The following SMG5 variants were observed in gnomAD, a reference collection of about 807,000 sequenced individuals.
The protein encoded by SMG5 is SMG5 nonsense mediated mRNA decay factor.
Under a neutral mutation model 122.9 loss-of-function variants are expected in SMG5, and 53 were observed. That is an observed-to-expected ratio of 0.43 (90% CI 0.35 to 0.54). SMG5 has a LOEUF of 0.54. Among genes scored for constraint, SMG5 ranks in the 20% least tolerant of loss-of-function variants. SMG5 has a pLI of 0.01. For missense variants in SMG5, 1,153 were observed against 1,285.6 expected (o/e 0.90, Z 1.58); for synonymous variants, 477 against 490.2 (o/e 0.97, Z 0.35).
Position 156,282,729 on chromosome 1 carries a change from C to G in SMG5, c.-49G>C. ...CCCGGTCACAGGCCCCTGCCACCCA[C>G]CACTACCGCCAACACTGCCGTCTCC... On this transcript the variant is annotated 5_prime_UTR_variant, in exon 1 of 22. Transcript: ENST00000361813. 6.5e-7 allele frequency: 1 copy of G among 1,543,798 alleles called. No individual in the cohort carries two copies. Among genetic ancestry groups the G allele is most frequent in the Non-Finnish European group, 8.7e-7 (1 of 1,147,388 alleles).
chr1:156,258,242 C>A (rs1661665843), intron 16 of SMG5, among the ~76,000 whole-genome samples: 4 of 152,220 alleles, frequency 2.6e-5, no homozygotes, highest in Admixed American at 1.3e-4. Context: ...CTTTATCCCT[C>A]TTGAATGAAA....
At chr1:156,265,036 T>TACACACACACACACAC (rs35457785) in intron 12 of SMG5, among the ~76,000 whole-genome samples, 42 of 122,824 alleles carry the variant, frequency 3.4e-4, no homozygotes, top group African/African-American at 9.7e-4. Context: ...AAAAAAAAAA[T>TACACACACACACACAC]ACACACACAC....
At chr1:156,257,628 T>C (rs1427414521) in intron 16 of SMG5, among the ~76,000 whole-genome samples, 1 of 152,194 alleles carries the variant, frequency 6.6e-6, no homozygotes, top group Non-Finnish European at 1.5e-5. Context: ...TGTCTTCCCC[T>C]ATGGACTAGC....
In SMG5 at chr1:156,249,768, G is replaced by T. The variant is rs1661236553; in HGVS notation, c.*819C>A. The T allele has an allele frequency of 4.2e-6, 2 of 470,900 alleles. No homozygotes were observed. Among genetic ancestry groups the T allele is most frequent in the South Asian group, 3.1e-5 (2 of 64,572 alleles). 29.2% of individuals were successfully genotyped at this position (470,900 alleles called of 1,614,324 possible). On this transcript the variant is annotated 3_prime_UTR_variant, in exon 22 of 22. Transcript: ENST00000361813. ...CTGCACCCCCTTTCTTCTCTTCCTG[G>T]CATCCCATTCTGTCCCAGCACAGCA...
intron 5 of SMG5, among the ~76,000 whole-genome samples, 195 bp downstream of exon 5, chr1:156,274,402 T>G (rs996243335): frequency 6.6e-6 from 1 of 152,218 alleles, no homozygotes; most frequent in African/African-American, 2.4e-5. Flanking sequence ...TTTTCCTGTA[T>G]TCACTGATCC....
intron 7 of SMG5, among the ~76,000 whole-genome samples, chr1:156,271,910 T>C (rs2246476): frequency 0.26 from 40,106 of 151,906 alleles, 5,584 homozygotes; most frequent in African/African-American, 0.34. Flanking sequence ...TTGTTTTTTA[T>C]TCTAACAGCT....
At position 156,265,869 on chromosome 1, in the gene SMG5, G is replaced by A. The variant is rs918925888; in HGVS notation, c.1767C>T (p.Asn589=). ...GGTTGGTGGTGGGCTGGAGGAGCAGGTTGCTAAAGGTGGGGGCCAGTCGGA... is the reference window on the plus strand; with the variant it reads ...GGTTGGTGGTGGGCTGGAGGAGCAGATTGCTAAAGGTGGGGGCCAGTCGGA... ...RCFRLAPTFS[N]LLLQPTTNPH... The change falls in exon 12 of 22, where the codon AAC becomes AAT. Residue 589 remains asparagine, a synonymous_variant. Coordinates refer to ENST00000361813, the MANE Select transcript of SMG5 (RefSeq NM_015327.3). 3 of 1,614,206 alleles carry A rather than the reference G, an allele frequency of 1.9e-6. No homozygotes were observed. Among genetic ancestry groups the A allele is most frequent in the South Asian group, 1.1e-5 (1 of 91,086 alleles).
In SMG5 at chr1:156,249,703, C is replaced by T. The variant is rs1384170101; in HGVS notation, c.*884G>A. The T allele has an allele frequency of 2.1e-6, 1 of 467,564 alleles. No homozygotes were observed. Among genetic ancestry groups the T allele is most frequent in the African/African-American group, 2.0e-5 (1 of 50,004 alleles). The allele number at this position is 467,564 out of a possible 1,614,324, so 29.0% of individuals were successfully genotyped here. A position where few individuals can be genotyped will look rare whatever the true frequency, so the allele number is the denominator to read the frequency against. ...CCACTGAATGCCGGCCCCTTGTCTTCAGCCCTCCCTTAGATAGGAAGGGGG... is the reference window on the plus strand; with the variant it reads ...CCACTGAATGCCGGCCCCTTGTCTTTAGCCCTCCCTTAGATAGGAAGGGGG... On this transcript the variant is annotated 3_prime_UTR_variant, in exon 22 of 22. Transcript: ENST00000361813.
the SMG5 span, chr1:156,291,514 C>G: frequency 1.2e-6 from 2 of 1,610,270 alleles, no homozygotes; most frequent in South Asian, 1.1e-5. Context: ...AGCCGGAGCG[C>G]ATGCTCACTG....
At position 156,250,242 on chromosome 1, in the gene SMG5, C is replaced by T; in HGVS notation, c.*345G>A. On this transcript the variant is annotated 3_prime_UTR_variant, in exon 22 of 22. Transcript: ENST00000361813. ...AGAAGGGCCTCTTTTGCTGTTCCTT[C>T]CCCTCAGAGATCCAAGAACCCATTC... The T allele has an allele frequency of 2.7e-6, 1 of 375,096 alleles. No individual in the cohort carries two copies. The highest frequency in any genetic ancestry group is 5.1e-6 in the Non-Finnish European group (1 of 195,676). 23.2% of individuals were successfully genotyped at this position (375,096 alleles called of 1,614,324 possible).
Position 156,256,548 on chromosome 1 carries a change from G to C in SMG5, c.2442+2457C>G, listed in dbSNP as rs747759112. Among the ~76,000 whole-genome samples the C allele has an allele frequency of 2.6e-5, 4 of 152,250 alleles. No homozygotes were observed. In the Middle Eastern group the frequency reaches 0.014, roughly 518 times the overall value. On this transcript the variant is annotated intron_variant, in intron 16 of 21. Coordinates refer to ENST00000361813, the MANE Select transcript of SMG5 (RefSeq NM_015327.3). ...GGTAATTGTGAAACTCCATATTCAA[G>C]AGAGGGGGATGGGGGCACTTGTGTA...
At chr1:156,261,114 A>G (rs1319148476) in intron 14 of SMG5, among the ~76,000 whole-genome samples, 2 of 152,054 alleles carry the variant, frequency 1.3e-5, no homozygotes, top group East Asian at 1.9e-4. Context: ...TAGGGAGCAC[A>G]CTCCCTTGCT....
At position 156,277,298 on chromosome 1, in the gene SMG5, C is replaced by T. The variant is rs1662726377; in HGVS notation, c.298-57G>A. 3.2e-6 allele frequency: 5 copies of T among 1,539,170 alleles called. No homozygotes were observed. In the South Asian group the frequency reaches 6.2e-5, roughly 19 times the overall value. ...AGCAATAAACTCAGAGTCGCACTCA[C>T]CCTCCCTTACCCTGTTCATCTCACT... On this transcript the variant is annotated intron_variant, in intron 3 of 21. Transcript: ENST00000361813.
chr1:156,286,059 G>T, upstream of SMG5: 1 of 1,537,316 alleles, frequency 6.5e-7, no homozygotes, highest in Non-Finnish European at 8.7e-7. Flanking sequence ...TGGGGAGCAG[G>T]AGGATTTCCC....
chr1:156,254,737 G>C (rs141504543), intron 16 of SMG5, among the ~76,000 whole-genome samples: 1 of 151,970 alleles, frequency 6.6e-6, no homozygotes, highest in Non-Finnish European at 1.5e-5. Context: ...GAGCCACAGC[G>C]CCCAGCCCAC....
rs760586146 is a variant in SMG5 at position 156,250,946 on chromosome 1, C to A, written c.2879G>T (p.Gly960Val). ...GCCACTCGGATCCTCCTCACCTGCCCCCTGGGCCAGAGTCAGCTGTTTGCA... is the reference window on the plus strand; with the variant it reads ...GCCACTCGGATCCTCCTCACCTGCCACCTGGGCCAGAGTCAGCTGTTTGCA... ...DSCKQLTLAQGAGEEDPSGMV... is the reference protein window; with the variant it reads ...DSCKQLTLAQVAGEEDPSGMV... The change falls in exon 21 of 22, where the codon GGG becomes GTG. Residue 960 changes from glycine to valine, a missense_variant. Physicochemically the swap from Gly to Val is moderately radical, Grantham distance 109. Coordinates refer to ENST00000361813, the MANE Select transcript of SMG5 (RefSeq NM_015327.3). 25 of 1,613,858 alleles carry A rather than the reference C, an allele frequency of 1.5e-5. No individual in the cohort carries two copies. Among genetic ancestry groups the A allele is most frequent in the African/African-American group, 2.7e-5 (2 of 74,874 alleles).
At chr1:156,282,133 G>C (rs1160717757) in intron 1 of SMG5, among the ~76,000 whole-genome samples, 1 of 152,144 alleles carries the variant, frequency 6.6e-6, no homozygotes, top group Non-Finnish European at 1.5e-5. Flanking sequence ...TCTTTTTAAG[G>C]ATAAGGAAAC....
In SMG5 at chr1:156,266,282, T is replaced by TA; in HGVS notation, c.1353dup (p.Lys452Ter). On this transcript the variant is annotated frameshift_variant, in exon 12 of 22. Coordinates refer to ENST00000361813, the MANE Select transcript of SMG5 (RefSeq NM_015327.3). LOFTEE classifies it high-confidence loss of function. ...CGGAGACAGGAGAGGCGAGAGAACT[T>TA]ACGGCTCTTTCTGCCCTCACCCACT... 6.2e-7 allele frequency: 1 copy of TA among 1,614,188 alleles called. No homozygotes were observed. The highest frequency in any genetic ancestry group is 8.5e-7 in the Non-Finnish European group (1 of 1,180,028).
intron 15 of SMG5, among the ~76,000 whole-genome samples, chr1:156,259,584 C>T (rs1661724927): frequency 6.6e-6 from 1 of 152,082 alleles, no homozygotes; most frequent in African/African-American, 2.4e-5. Context: ...GTCTGGAGTG[C>T]AGTGGTGTGA....
Sources: allele counts gnomAD v4.1 joint callset (sites outside exome capture counted in the v4.1 genomes callset), GRCh38; gene constraint gnomAD v4.1.1; transcripts MANE v1.5; gene names NCBI Gene and HGNC (gene_info 2026-07-23, HGNC 2026-07-21).